The following CHRM3 variants were observed in gnomAD, a reference collection of about 807,000 sequenced individuals.
CHRM3 encodes muscarinic acetylcholine receptor M3.
A neutral mutation model predicts 41.8 loss-of-function variants in CHRM3; 11 were observed. The ratio of observed to expected loss-of-function variants is 0.26; its 90% confidence interval spans 0.17 to 0.44. CHRM3 has a LOEUF of 0.44. Ranked by LOEUF, CHRM3 falls within the 20% of genes least tolerant of loss-of-function variation. The pLI is 1.00. For synonymous variants in CHRM3, 297 were observed against 301.4 expected (o/e 0.99, Z 0.15); for missense variants, 571 against 745.4 (o/e 0.77, Z 2.72).
rs551591770 is a variant in CHRM3 at position 239,739,161 on chromosome 1, G to A, written c.-147+60873G>A. Among the ~76,000 whole-genome samples, 13 of 152,106 alleles carry A rather than the reference G, an allele frequency of 8.5e-5. 1 individual carries two copies. Among genetic ancestry groups the A allele is most frequent in the Non-Finnish European group, 1.8e-4 (12 of 68,028 alleles). ...GCCCAGTTGGGCTTTTCAATATTAT[G>A]TATTTGACAGGGCACAGCAGCACCA... On this transcript the variant is annotated intron_variant, in intron 5 of 6. Transcript: ENST00000676153.
At chr1:239,554,966 G>T (rs980195149) in intron 3 of CHRM3, among the ~76,000 whole-genome samples, 1 of 152,030 alleles carries the variant, frequency 6.6e-6, no homozygotes, top group Non-Finnish European at 1.5e-5. Flanking sequence ...CTGACCTTAT[G>T]ATCCTCCCAC....
chr1:239,874,021 C>T (rs1676820157), intron 6 of CHRM3, among the ~76,000 whole-genome samples: 1 of 151,778 alleles, frequency 6.6e-6, no homozygotes, highest in Non-Finnish European at 1.5e-5. Flanking sequence ...ATACATCATC[C>T]TTTGTTATCC....
chr1:239,736,701 A>G (rs1047412740), intron 5 of CHRM3, among the ~76,000 whole-genome samples: 2 of 152,196 alleles, frequency 1.3e-5, no homozygotes, highest in African/African-American at 2.4e-5. Flanking sequence ...TGTTAGTTCC[A>G]TAACCAGCTA....
chr1:239,913,079 T>C lies in CHRM3; in HGVS notation c.*3855T>C, dbSNP rs186623597. 1 of 167,196 alleles carries C rather than the reference T, an allele frequency of 6.0e-6. No individual in the cohort carries two copies. Among genetic ancestry groups the C allele is most frequent in the Non-Finnish European group, 1.5e-5 (1 of 68,106 alleles). The allele number at this position is 167,196 out of a possible 1,614,324, so 10.4% of individuals were successfully genotyped here. A position where few individuals can be genotyped will look rare whatever the true frequency, so the allele number is the denominator to read the frequency against. ...AGTAAAATGGTATATTGGGTGAATG[T>C]TTGAAAATTTCAGATTTTATATTCT... On this transcript the variant is annotated 3_prime_UTR_variant, in exon 7 of 7. Coordinates refer to ENST00000676153, the MANE Select transcript of CHRM3 (RefSeq NM_001375978.1).
At chr1:239,663,531 T>G (rs949914641) in intron 4 of CHRM3, among the ~76,000 whole-genome samples, 1 of 152,258 alleles carries the variant, frequency 6.6e-6, no homozygotes, top group Non-Finnish European at 1.5e-5. Flanking sequence ...ACTAGTAAAT[T>G]AATTTGTAGT....
intron 4 of CHRM3, among the ~76,000 whole-genome samples, chr1:239,643,286 C>G (rs1671397856): frequency 6.6e-6 from 1 of 152,334 alleles, no homozygotes; most frequent in Non-Finnish European, 1.5e-5. Context: ...AGAACCACTG[C>G]TCTCTTCAAA....
intron 6 of CHRM3, among the ~76,000 whole-genome samples, chr1:239,870,225 C>T (rs1676457634): frequency 6.6e-6 from 1 of 152,136 alleles, no homozygotes; most frequent in South Asian, 2.1e-4. Flanking sequence ...CAGAGCAAGT[C>T]ACATCTCTGT....
At chr1:239,592,385 G>T (rs965673964) in intron 3 of CHRM3, among the ~76,000 whole-genome samples, 1 of 151,748 alleles carries the variant, frequency 6.6e-6, no homozygotes, top group East Asian at 1.9e-4. Flanking sequence ...AATTAATTTT[G>T]GTACATCTCC....
chr1:239,695,754 CAG>C (rs1660125456), intron 5 of CHRM3, among the ~76,000 whole-genome samples: 3 of 151,594 alleles, frequency 2.0e-5, no homozygotes, highest in Admixed American at 6.6e-5. Flanking sequence ...TTTTAAGAGC[CAG>C]AAAAAAAAAT....
intron 5 of CHRM3, chr1:239,707,368 G>C (rs1163139180): frequency 1.3e-5 from 2 of 152,124 alleles, no homozygotes; most frequent in Non-Finnish European, 2.9e-5. Flanking sequence ...TAGAATATCT[G>C]TATGGAAAAA....
intron 3 of CHRM3, among the ~76,000 whole-genome samples, chr1:239,604,803 G>C (rs974045460): frequency 3.9e-5 from 6 of 152,166 alleles, no homozygotes; most frequent in African/African-American, 1.4e-4. Flanking sequence ...TACAATGGGG[G>C]AAAGAAGCGT....
chr1:239,800,762 A>G (rs1386034487), intron 5 of CHRM3, among the ~76,000 whole-genome samples: 1 of 152,230 alleles, frequency 6.6e-6, no homozygotes. Context: ...ATTTTCCTAC[A>G]GCATCAAATA....
chr1:239,869,436 G>A (rs1676390196), intron 6 of CHRM3, among the ~76,000 whole-genome samples: 1 of 152,162 alleles, frequency 6.6e-6, no homozygotes, highest in African/African-American at 2.4e-5. Context: ...GAACATAGTA[G>A]TCAGGCAATT....
intron 1 of CHRM3, among the ~76,000 whole-genome samples, chr1:239,481,274 A>T (rs1666834556): frequency 6.7e-6 from 1 of 150,016 alleles, no homozygotes; most frequent in South Asian, 2.1e-4. Flanking sequence ...AATATCTCTT[A>T]ACTATGTATA....
At chr1:239,830,243 G>C (rs1202341858) in intron 6 of CHRM3, among the ~76,000 whole-genome samples, 1 of 152,100 alleles carries the variant, frequency 6.6e-6, no homozygotes, top group Non-Finnish European at 1.5e-5. Context: ...GTTGCTGTTA[G>C]GACTAAAAGA....
At position 239,510,566 on chromosome 1, in the gene CHRM3, C is replaced by T. The variant is rs1461203240; in HGVS notation, c.-422+17759C>T. ...TTTTTTTTTTTTTGAGGCAGAGTTT[C>T]GCTCTTGTTGCCCAGGTTGGAGTGC... is the stretch of plus-strand genomic sequence containing the variant. On this transcript the variant is annotated intron_variant, in intron 2 of 6. Transcript: ENST00000676153. 1.0e-3 allele frequency among the ~76,000 whole-genome samples: 153 copies of T among 148,906 alleles called. 3 individuals are homozygous for T. Among genetic ancestry groups the T allele is most frequent in the African/African-American group, 3.2e-3 (131 of 40,476 alleles).
intron 6 of CHRM3, among the ~76,000 whole-genome samples, chr1:239,873,137 G>A (rs1355168081): frequency 6.6e-6 from 1 of 152,020 alleles, no homozygotes; most frequent in African/African-American, 2.4e-5. Context: ...CACACCCAGG[G>A]CATTTATCAT....
intron 5 of CHRM3, among the ~76,000 whole-genome samples, chr1:239,807,189 T>C (rs116341821): frequency 0.01 from 1,558 of 152,328 alleles, 34 homozygotes; most frequent in African/African-American, 0.036. Context: ...ATTATGTGAC[T>C]TTTTAAACTT....
intron 2 of CHRM3, among the ~76,000 whole-genome samples, chr1:239,527,644 A>G (rs968817359): frequency 1.3e-5 from 2 of 152,162 alleles, no homozygotes; most frequent in African/African-American, 4.8e-5. Flanking sequence ...ACATCAGTCA[A>G]TTGTGCTTTT....
Sources: allele counts gnomAD v4.1 joint callset (sites outside exome capture counted in the v4.1 genomes callset), GRCh38; gene constraint gnomAD v4.1.1; transcripts MANE v1.5; gene names NCBI Gene and HGNC (gene_info 2026-07-23, HGNC 2026-07-21).